The following ABCA1 variants were observed in gnomAD, a reference collection of about 807,000 sequenced individuals.
ABCA1 encodes ATP binding cassette subfamily A member 1.
A neutral mutation model predicts 262.5 loss-of-function variants in ABCA1; 133 were observed. That is an observed-to-expected ratio of 0.51 (90% confidence interval 0.44 to 0.59). The LOEUF (loss-of-function observed/expected upper bound fraction) is 0.59, where lower values mean the gene tolerates loss of function less well. ABCA1 is among the 20% of genes least tolerant of loss of function. The probability of loss-of-function intolerance (pLI) is 0.00; values close to 1 mark genes in which losing one functional copy is unlikely to be tolerated. For missense variants in ABCA1, 2,452 were observed against 2,777.5 expected, an observed-to-expected ratio of 0.88 and a Z score of 2.63; for synonymous variants, 1,022 against 1,043.5, an observed-to-expected ratio of 0.98 and a Z score of 0.40.
intron 3 of ABCA1, among the ~76,000 whole-genome samples, chr9:104,888,229 T>C (rs1032545338): frequency 2.6e-5 from 4 of 152,154 alleles, no homozygotes; most frequent in African/African-American, 9.7e-5. Flanking sequence ...GGAAGAACAG[T>C]ATCTCATAAG....
Position 104,821,530 on chromosome 9 carries a change from CA to C in ABCA1, c.2829-25del, listed in dbSNP as rs111671761. The C allele has an allele frequency of 1.7e-5, 28 of 1,613,224 alleles. No homozygotes were observed. In the African/African-American group the frequency reaches 2.3e-4, roughly 13 times the overall value. Reference sequence around the variant, plus strand: ...ACCTGAGGACAAAAATTTAGAAGTACAGAAGTCAGGGTTGACCTACCCTTAA... The same window carrying C: ...ACCTGAGGACAAAAATTTAGAAGTACGAAGTCAGGGTTGACCTACCCTTAA... On this transcript the variant is annotated intron_variant, in intron 19 of 49. Coordinates refer to ENST00000374736, the MANE Select transcript of ABCA1 (RefSeq NM_005502.4).
Position 104,819,918 on chromosome 9 carries a change from G to T in ABCA1, c.3103+9C>A. The T allele has an allele frequency of 6.2e-7, 1 of 1,612,192 alleles. No homozygotes were observed. ...GGAGAGGGATAGGGAAGGTAGCTCT[G>T]GGCCGCACCTGACAGCTGGCTTGTT... On this transcript the variant is annotated intron_variant, in intron 21 of 49. Transcript: ENST00000374736.
rs1829064319 is a variant in ABCA1 at position 104,787,900 on chromosome 9, C to T, written c.6204+20G>A. 1.2e-5 allele frequency: 20 copies of T among 1,613,944 alleles called. No homozygotes were observed. Among genetic ancestry groups the T allele is most frequent in the Non-Finnish European group, 1.5e-5 (18 of 1,179,870 alleles). On this transcript the variant is annotated intron_variant, in intron 46 of 49. Transcript: ENST00000374736. Reference sequence around the variant, plus strand: ...CCACTCAGGCCAGAACAACAGTTTTCCATCCACAGTTATACTCACCAGAAA... The same window carrying T: ...CCACTCAGGCCAGAACAACAGTTTTTCATCCACAGTTATACTCACCAGAAA...
chr9:104,823,495 C>T (rs529748654), intron 18 of ABCA1, among the ~76,000 whole-genome samples: 2 of 152,260 alleles, frequency 1.3e-5, no homozygotes, highest in Admixed American at 1.3e-4. Context: ...ATTTGTATTA[C>T]TTCTTGTGAG....
chr9:104,866,485 C>CT (rs1384378087), intron 5 of ABCA1, among the ~76,000 whole-genome samples: 70 of 144,922 alleles, frequency 4.8e-4, no homozygotes, highest in Middle Eastern at 3.6e-3. Flanking sequence ...TTTTTTGTGA[C>CT]TTTTTTTTTT....
At chr9:104,912,022 C>T (rs1345879169) in intron 1 of ABCA1, among the ~76,000 whole-genome samples, 5 of 152,204 alleles carry the variant, frequency 3.3e-5, no homozygotes, top group Non-Finnish European at 5.9e-5. Flanking sequence ...ATCACACTTA[C>T]TTGATTGTTA....
chr9:104,846,252 A>G (rs1241627725), intron 7 of ABCA1, among the ~76,000 whole-genome samples: 3 of 152,258 alleles, frequency 2.0e-5, no homozygotes, highest in Non-Finnish European at 2.9e-5. Context: ...CAGACTGTGA[A>G]GTCAGAATTG....
At chr9:104,889,715 G>C (rs1839542460) in intron 2 of ABCA1, among the ~76,000 whole-genome samples, 2 of 152,142 alleles carry the variant, frequency 1.3e-5, no homozygotes, top group African/African-American at 4.8e-5. Flanking sequence ...AGGCCAACCT[G>C]CTGTGCTAAA....
At chr9:104,799,364 C>T in intron 36 of ABCA1, 1 of 833,250 alleles carries the variant, frequency 1.2e-6, no homozygotes, top group Non-Finnish European at 1.4e-6. Flanking sequence ...AGGCTGCATA[C>T]TTTAAACTAG....
rs372405058 is a variant in ABCA1 at position 104,820,342 on chromosome 9, T to C, written c.2961-273A>G. 3.6e-3 allele frequency among the ~76,000 whole-genome samples: 542 copies of C among 152,252 alleles called. 5 individuals are homozygous for C. The highest frequency in any genetic ancestry group is 0.013 in the African/African-American group (520 of 41,548). On this transcript the variant is annotated intron_variant, in intron 20 of 49. Transcript: ENST00000374736. ...CCACCATGCACCAGGCAGTTACAAC[T>C]TTCAATTTCAGGGCCCCAAGATGTG...
At chr9:104,799,605 C>A (rs2118889136) in intron 36 of ABCA1, 1 of 985,314 alleles carries the variant, frequency 1.0e-6, no homozygotes, top group South Asian at 4.7e-5. Context: ...ACGATTTTTA[C>A]ATATCAGTGT....
Position 104,809,579 on chromosome 9 carries a change from G to A in ABCA1, c.4176-15C>T, listed in dbSNP as rs373587029. 1.9e-5 allele frequency: 30 copies of A among 1,605,718 alleles called. No individual in the cohort carries two copies. The highest frequency in any genetic ancestry group is 9.9e-5 in the South Asian group (9 of 90,884). On this transcript the variant is annotated splice_polypyrimidine_tract_variant and intron_variant, in intron 29 of 49. Coordinates refer to ENST00000374736, the MANE Select transcript of ABCA1 (RefSeq NM_005502.4). ...GAGCATCATTGCTGTGGGTACATGA[G>A]AGGCAGCCAGCTTAGTAATTCATTA...
chr9:104,810,736 C>T (rs2118929904), intron 29 of ABCA1, 64 bp downstream of exon 29: 1 of 1,612,598 alleles, frequency 6.2e-7, no homozygotes, highest in South Asian at 1.1e-5. Context: ...TTCCCTTGGC[C>T]CTCGTAAACA....
At chr9:104,890,341 A>G (rs1334678553) in intron 2 of ABCA1, among the ~76,000 whole-genome samples, 1 of 152,188 alleles carries the variant, frequency 6.6e-6, no homozygotes, top group Admixed American at 6.5e-5. Context: ...GCACTTTGGG[A>G]GGCCAAGGCC....
intron 30 of ABCA1, among the ~76,000 whole-genome samples, chr9:104,808,635 T>C (rs1285378424): frequency 6.6e-6 from 1 of 152,218 alleles, no homozygotes; most frequent in Non-Finnish European, 1.5e-5. Context: ...CTCTAGAACC[T>C]TGTATAAACA....
At chr9:104,890,681 G>A (rs150183551) in intron 2 of ABCA1, among the ~76,000 whole-genome samples, 2,482 of 151,740 alleles carry the variant, frequency 0.016, 28 homozygotes, top group Middle Eastern at 0.031. Context: ...TCACTGGAAC[G>A]TCAAACTCTT....
chr9:104,909,347 G>A lies in ABCA1; in HGVS notation c.-92-5576C>T, dbSNP rs547439792. On this transcript the variant is annotated intron_variant, in intron 1 of 49. Transcript: ENST00000374736. ...ATGGGAAACAGACAAATAATAGTGGGTTGTTCAAACAGTGGGTGGTGGTGG... is the reference window on the plus strand; with the variant it reads ...ATGGGAAACAGACAAATAATAGTGGATTGTTCAAACAGTGGGTGGTGGTGG... Among the ~76,000 whole-genome samples the A allele has an allele frequency of 2.0e-5, 3 of 152,244 alleles. No homozygotes were observed. The East Asian group carries it at 5.8e-4, about 29-fold the overall frequency.
intron 1 of ABCA1, among the ~76,000 whole-genome samples, chr9:104,916,971 C>G (rs1841884700): frequency 6.6e-6 from 1 of 152,208 alleles, no homozygotes; most frequent in Admixed American, 6.5e-5. Context: ...AACCGTAACA[C>G]TAGACCCCAA....
At chr9:104,880,899 C>T (rs1838585880) in intron 5 of ABCA1, among the ~76,000 whole-genome samples, 1 of 152,156 alleles carries the variant, frequency 6.6e-6, no homozygotes, top group African/African-American at 2.4e-5. Flanking sequence ...GCCTGTAATC[C>T]CAGCACTTTG....
Sources: allele counts gnomAD v4.1 joint callset (sites outside exome capture counted in the v4.1 genomes callset), GRCh38; gene constraint gnomAD v4.1.1; transcripts MANE v1.5; gene names NCBI Gene and HGNC (gene_info 2026-07-23, HGNC 2026-07-21).